SLC9A6: variants seen among roughly 807,000 people sequenced by gnomAD.
SLC9A6 encodes the protein solute carrier family 9 member A6.
A neutral mutation model predicts 45.3 loss-of-function variants in SLC9A6; 6 were observed. The ratio of observed to expected loss-of-function variants is 0.13; its 90% confidence interval spans 0.07 to 0.26. The LOEUF (loss-of-function observed/expected upper bound fraction) is 0.26, where lower values mean the gene tolerates loss of function less well. Ranked by LOEUF, SLC9A6 falls within the 10% of genes least tolerant of loss-of-function variation. SLC9A6 has a pLI of 1.00. For missense variants in SLC9A6, 278 were observed against 503.7 expected, an observed-to-expected ratio of 0.55 and a Z score of 4.29; for synonymous variants, 191 against 187.7, an observed-to-expected ratio of 1.02 and a Z score of -0.14.
intron 1 of SLC9A6, among the ~76,000 whole-genome samples, chrX:135,978,483 C>T (rs2089272618): frequency 9.0e-6 from 1 of 111,123 alleles, no homozygotes; most frequent in Non-Finnish European, 1.9e-5. Context: ...GAAACCCCAT[C>T]TCTACTAAAA....
intron 11 of SLC9A6, among the ~76,000 whole-genome samples, chrX:136,017,863 G>A (rs782602886): frequency 9.0e-5 from 10 of 111,388 alleles, no homozygotes; most frequent in African/African-American, 3.3e-4. Flanking sequence ...TGTGCTCTTG[G>A]CTGGGACTGC....
intron 16 of SLC9A6, among the ~76,000 whole-genome samples, chrX:136,038,748 C>A (rs1197104117): frequency 1.3e-5 from 1 of 79,122 alleles, no homozygotes; most frequent in African/African-American, 4.7e-5. Flanking sequence ...TTTTTTTTTT[C>A]TTTTTTTAAA....
At chrX:136,002,342 TGAA>T (rs1556617473) in intron 7 of SLC9A6, 129 bp downstream of exon 7, 2 of 515,498 alleles carry the variant, frequency 3.9e-6, no homozygotes, top group Non-Finnish European at 6.8e-6. Context: ...TTTTCCCTCT[TGAA>T]GAAATCCATA....
chrX:136,000,249 G>A (rs1461181509), intron 6 of SLC9A6, among the ~76,000 whole-genome samples: 1 of 64,428 alleles, frequency 1.6e-5, no homozygotes, highest in Non-Finnish European at 2.6e-5. Context: ...GCGAGACCCT[G>A]TCTCCAAAAA....
At chrX:136,028,336 C>T (rs1471044230) in intron 13 of SLC9A6, among the ~76,000 whole-genome samples, 3 of 111,742 alleles carry the variant, frequency 2.7e-5, no homozygotes, top group South Asian at 3.8e-4. Context: ...GCAGCCAAGT[C>T]CAGATTTGAA....
intron 1 of SLC9A6, 56 bp downstream of exon 1, chrX:135,985,533 C>T (rs971227843): frequency 1.7e-6 from 2 of 1,154,372 alleles, no homozygotes; most frequent in Non-Finnish European, 2.3e-6. Flanking sequence ...GCGGGCACCC[C>T]TCCGCCGTGG....
intron 1 of SLC9A6, chrX:135,975,183 A>G (rs1279349514): frequency 7.1e-5 from 8 of 112,855 alleles, no homozygotes; most frequent in African/African-American, 2.6e-4. Context: ...TTCCTGTGGC[A>G]CTTAAAACGT....
chrX:135,979,917 C>T (rs2089278812), intron 1 of SLC9A6, among the ~76,000 whole-genome samples: 1 of 111,045 alleles, frequency 9.0e-6, no homozygotes, highest in South Asian at 3.8e-4. Context: ...AGGCGCACAC[C>T]ACCACGCCCA....
chrX:135,976,949 T>G (rs782647481), intron 1 of SLC9A6, among the ~76,000 whole-genome samples: 25 of 112,388 alleles, frequency 2.2e-4, no homozygotes, highest in African/African-American at 8.1e-4. Context: ...TTAAATTATG[T>G]TCAGGGAGTG....
chrX:135,990,723 G>T (rs1306989747), intron 2 of SLC9A6, among the ~76,000 whole-genome samples: 5 of 110,248 alleles, frequency 4.5e-5, no homozygotes, highest in African/African-American at 1.7e-4. Flanking sequence ...GCAGTGAGCC[G>T]AGATCACGCC....
chrX:135,978,914 C>A (rs1856711913), intron 1 of SLC9A6, among the ~76,000 whole-genome samples: 1 of 110,431 alleles, frequency 9.1e-6, no homozygotes, highest in Admixed American at 9.7e-5. Flanking sequence ...TTCACCAGAC[C>A]ACCACACCAG....
At chrX:136,009,739 G>A (rs2070882928) in intron 7 of SLC9A6, among the ~76,000 whole-genome samples, 1 of 112,264 alleles carries the variant, frequency 8.9e-6, no homozygotes, top group African/African-American at 3.2e-5. Flanking sequence ...GTGAGTTCAA[G>A]ATGGAGAGCA....
At chrX:135,996,923 C>T (rs1556616603) in intron 3 of SLC9A6, among the ~76,000 whole-genome samples, 5 of 109,330 alleles carry the variant, frequency 4.6e-5, no homozygotes, top group Non-Finnish European at 7.6e-5. Flanking sequence ...CCCGCCACCA[C>T]GCCCGGCTAA....
intron 2 of SLC9A6, among the ~76,000 whole-genome samples, chrX:135,987,093 C>T (rs1556615062): frequency 9.0e-6 from 1 of 111,648 alleles, no homozygotes; most frequent in African/African-American, 3.3e-5. Flanking sequence ...CAGGAAGATG[C>T]ATGAACTCAG....
At chrX:135,975,098 C>G (rs1275699021) in intron 1 of SLC9A6, 1 of 115,251 alleles carries the variant, frequency 8.7e-6, no homozygotes, top group Non-Finnish European at 1.8e-5. Context: ...ACAGTGATTC[C>G]AAATCGACAT....
intron 14 of SLC9A6, chrX:136,029,696 C>T (rs1362089697): frequency 1.3e-5 from 2 of 148,227 alleles, no homozygotes; most frequent in Non-Finnish European, 2.6e-5. Context: ...TATGAAAAAC[C>T]TGTAATTGGG....
At chrX:135,975,100 A>G (rs1438815234) in intron 1 of SLC9A6, 3 of 114,942 alleles carry the variant, frequency 2.6e-5, no homozygotes, top group Non-Finnish European at 3.6e-5. Context: ...AGTGATTCCA[A>G]ATCGACATCT....
rs2089344318 is a variant in SLC9A6 at position 135,986,652 on chromosome X, T to C, written c.169+825T>C. ...TTGGCATGAGGTTATTGACCGATTG[T>C]AGAATAAATGGCTTCGATTCTTGTG... On this transcript the variant is annotated intron_variant, in intron 2 of 17. Transcript: ENST00000630721. Among the ~76,000 whole-genome samples, 3 of 111,520 alleles carry C rather than the reference T, an allele frequency of 2.7e-5. No individual in the cohort carries two copies. In the South Asian group the frequency reaches 1.1e-3, roughly 42 times the overall value.
upstream of SLC9A6, chrX:135,985,129 T>C (rs1448891004): frequency 1.4e-5 from 2 of 144,274 alleles, no homozygotes; most frequent in African/African-American, 6.3e-5. Flanking sequence ...GGGACGATAT[T>C]GAGATGGGTT....
Sources: allele counts gnomAD v4.1 joint callset (sites outside exome capture counted in the v4.1 genomes callset), GRCh38; gene constraint gnomAD v4.1.1; transcripts MANE v1.5; gene names NCBI Gene and HGNC (gene_info 2026-07-23, HGNC 2026-07-21).